FTCDNL1: variants seen among roughly 807,000 people sequenced by gnomAD.
FTCDNL1 encodes the protein formiminotransferase cyclodeaminase N-terminal like, also known as formiminotransferase N-terminal subdomain-containing protein.
Under a neutral mutation model 5.9 loss-of-function variants are expected in FTCDNL1, and 11 were observed. The observed-to-expected ratio is 1.87, with a 90% CI of 1.18 to 3.10. The LOEUF (loss-of-function observed/expected upper bound fraction) is 3.10, where lower values mean the gene tolerates loss of function less well. Among genes scored for constraint, FTCDNL1 ranks in the 30% most tolerant of loss-of-function variants. The pLI is 0.00. For missense variants in FTCDNL1, 115 were observed against 65.5 expected, an observed-to-expected ratio of 1.76 and a Z score of -2.61; for synonymous variants, 58 against 24.8, an observed-to-expected ratio of 2.34 and a Z score of -3.99.
the FTCDNL1 span, among the ~76,000 whole-genome samples, chr2:199,752,316 C>T: frequency 2.3e-4 from 35 of 152,310 alleles, no homozygotes; most frequent in Non-Finnish European, 4.3e-4. Flanking sequence ...GAAACTTTTT[C>T]TTCCCTGAGT....
At chr2:199,850,164 ATCATC>A (rs1283586385) in intron 1 of FTCDNL1, among the ~76,000 whole-genome samples, 7 of 152,350 alleles carry the variant, frequency 4.6e-5, no homozygotes, top group African/African-American at 1.7e-4. Flanking sequence ...TATCATGTCC[ATCATC>A]TCATCACTGA....
the FTCDNL1 span, among the ~76,000 whole-genome samples, chr2:199,698,876 A>G: frequency 1.3e-5 from 2 of 152,146 alleles, no homozygotes; most frequent in Non-Finnish European, 2.9e-5. Flanking sequence ...ACTGCTAGCT[A>G]GACAAAGAAA....
intron 3 of FTCDNL1, among the ~76,000 whole-genome samples, chr2:199,799,860 G>A (rs1198439483): frequency 6.6e-6 from 1 of 152,156 alleles, no homozygotes; most frequent in East Asian, 1.9e-4. Flanking sequence ...CAGAAGGAAA[G>A]GTGAGAAAGA....
the FTCDNL1 span, among the ~76,000 whole-genome samples, chr2:199,749,744 G>A: frequency 2.0e-5 from 3 of 152,096 alleles, no homozygotes; most frequent in East Asian, 1.9e-4. Flanking sequence ...CAGCAGGCAC[G>A]GCCGAGGTGG....
the FTCDNL1 span, among the ~76,000 whole-genome samples, chr2:199,747,496 T>C: frequency 3.3e-5 from 5 of 152,086 alleles, no homozygotes; most frequent in African/African-American, 9.7e-5. Flanking sequence ...GAGAAGAACG[T>C]TGTAATGATT....
chr2:199,796,226 C>A (rs542743879), intron 3 of FTCDNL1, among the ~76,000 whole-genome samples: 1 of 152,036 alleles, frequency 6.6e-6, no homozygotes, highest in African/African-American at 2.4e-5. Context: ...AAGTTTATCA[C>A]GGTGACAATA....
intron 4 of FTCDNL1, among the ~76,000 whole-genome samples, chr2:199,816,848 C>CTATATA (rs1701377311): frequency 6.6e-6 from 1 of 152,138 alleles, no homozygotes; most frequent in Admixed American, 6.5e-5. Context: ...TTCTAATGTA[C>CTATATA]TATATAATTC....
chr2:199,787,642 A>T (rs1189396855), intron 3 of FTCDNL1, among the ~76,000 whole-genome samples: 1 of 152,204 alleles, frequency 6.6e-6, no homozygotes, highest in African/African-American at 2.4e-5. Flanking sequence ...AGAAAATCTC[A>T]GAGACAAGAG....
chr2:199,830,732 A>C (rs1702317620), intron 3 of FTCDNL1, among the ~76,000 whole-genome samples: 1 of 152,180 alleles, frequency 6.6e-6, no homozygotes, highest in Non-Finnish European at 1.5e-5. Context: ...CCACATGGCT[A>C]GAACTTGAAG....
chr2:199,745,840 T>C, the FTCDNL1 span, among the ~76,000 whole-genome samples: 1 of 118,184 alleles, frequency 8.5e-6, no homozygotes, highest in Admixed American at 9.7e-5. Flanking sequence ...TGAACTCCTA[T>C]CCAAGTAACA....
At chr2:199,679,889 A>G in the FTCDNL1 span, among the ~76,000 whole-genome samples, 2 of 152,192 alleles carry the variant, frequency 1.3e-5, no homozygotes, top group African/African-American at 4.8e-5. Flanking sequence ...GTAATTTGAC[A>G]TTAACTTTCA....
At position 199,826,014 on chromosome 2, in the gene FTCDNL1, C is replaced by T. The variant is rs551701213; in HGVS notation, c.212-6257G>A. ...TAACTTAGTGTAACTCACATTTGGG[C>T]TGCTGCAGTAGCCTAAAAGCACAAA... On this transcript the variant is annotated intron_variant, in intron 3 of 4. Coordinates refer to ENST00000420128, the MANE Select transcript of FTCDNL1 (RefSeq NM_001363886.2). Among the ~76,000 whole-genome samples, 9 of 152,314 alleles carry T rather than the reference C, an allele frequency of 5.9e-5. No homozygotes were observed. In the East Asian group the frequency reaches 1.7e-3, roughly 29 times the overall value.
the FTCDNL1 span, among the ~76,000 whole-genome samples, chr2:199,697,474 T>A: frequency 2.6e-5 from 4 of 152,112 alleles, no homozygotes; most frequent in Non-Finnish European, 5.9e-5. Context: ...GGGGTCCACA[T>A]TCAACATTCT....
At chr2:199,687,695 C>A in the FTCDNL1 span, among the ~76,000 whole-genome samples, 2 of 151,576 alleles carry the variant, frequency 1.3e-5, no homozygotes, top group African/African-American at 4.8e-5. Context: ...ATTAAAAAAA[C>A]ACAGAAATGG....
At chr2:199,721,514 C>A in the FTCDNL1 span, among the ~76,000 whole-genome samples, 3 of 152,152 alleles carry the variant, frequency 2.0e-5, no homozygotes, top group African/African-American at 7.2e-5. Context: ...TTTTCTTCAT[C>A]CAGTCTATCA....
downstream of FTCDNL1, among the ~76,000 whole-genome samples, chr2:199,806,321 G>A (rs1700723373): frequency 6.6e-6 from 1 of 152,200 alleles, no homozygotes; most frequent in African/African-American, 2.4e-5. Flanking sequence ...TATCAAACAA[G>A]TTCCTGGGCT....
chr2:199,835,248 C>T (rs1247839789), intron 3 of FTCDNL1, among the ~76,000 whole-genome samples: 1 of 152,114 alleles, frequency 6.6e-6, no homozygotes, highest in East Asian at 1.9e-4. Context: ...CTATAATCCC[C>T]TCAAGGTAGG....
the FTCDNL1 span, among the ~76,000 whole-genome samples, chr2:199,724,332 C>G: frequency 6.6e-6 from 1 of 151,844 alleles, no homozygotes; most frequent in Non-Finnish European, 1.5e-5. Context: ...TTTCAAAAAA[C>G]CCAGCTCCTG....
At chr2:199,798,490 C>T (rs551269511) in intron 3 of FTCDNL1, among the ~76,000 whole-genome samples, 5 of 152,316 alleles carry the variant, frequency 3.3e-5, no homozygotes, top group Admixed American at 1.3e-4. Context: ...AGTTCACCTA[C>T]GTCCTCAGAG....
Sources: allele counts gnomAD v4.1 joint callset (sites outside exome capture counted in the v4.1 genomes callset), GRCh38; gene constraint gnomAD v4.1.1; transcripts MANE v1.5; gene names NCBI Gene and HGNC (gene_info 2026-07-23, HGNC 2026-07-21).